PRKG2: variants seen among roughly 807,000 people sequenced by gnomAD.
PRKG2 encodes cGMP-dependent protein kinase 2.
A neutral mutation model predicts 97.2 loss-of-function variants in PRKG2; 33 were observed. The observed-to-expected ratio is 0.34, with a 90% CI of 0.26 to 0.45. The LOEUF (loss-of-function observed/expected upper bound fraction) is 0.45. Among genes scored for constraint, PRKG2 ranks in the 20% least tolerant of loss-of-function variants. The pLI, the probability that PRKG2 is intolerant of heterozygous loss-of-function variation, is 1.00. For missense variants in PRKG2, 638 were observed against 900.0 expected (o/e 0.71, Z 3.73); for synonymous variants, 330 against 321.8 (o/e 1.03, Z -0.27).
At chr4:81,090,564 A>G (rs922910264) in intron 18 of PRKG2, among the ~76,000 whole-genome samples, 2 of 152,208 alleles carry the variant, frequency 1.3e-5, no homozygotes, top group African/African-American at 2.4e-5. Context: ...TGAGAGAGTG[A>G]AATTATGCTG....
At chr4:81,123,717 T>C (rs1745290587) in intron 14 of PRKG2, among the ~76,000 whole-genome samples, 1 of 152,232 alleles carries the variant, frequency 6.6e-6, no homozygotes, top group African/African-American at 2.4e-5. Flanking sequence ...TTTTATTTTT[T>C]AAATGTATTT....
intron 9 of PRKG2, 38 bp downstream of exon 9, chr4:81,148,845 GT>G (rs759691368): frequency 1.6e-5 from 25 of 1,569,666 alleles, no homozygotes; most frequent in Non-Finnish European, 2.1e-5. Flanking sequence ...GTCTTCAAAG[GT>G]GGCAGTGGCC....
chr4:81,090,174 G>A (rs1235215258), intron 18 of PRKG2, among the ~76,000 whole-genome samples: 1 of 152,128 alleles, frequency 6.6e-6, no homozygotes, highest in Non-Finnish European at 1.5e-5. Flanking sequence ...CCTGGCCAAT[G>A]TGGTGAAACT....
chr4:81,110,497 C>T lies in PRKG2; in HGVS notation c.1891G>A (p.Val631Met), dbSNP rs372904531. 4 of 1,611,520 alleles carry T rather than the reference C, an allele frequency of 2.5e-6. No individual in the cohort carries two copies. The highest frequency in any genetic ancestry group is 2.7e-5 in the African/African-American group (2 of 75,014). ...VILNKGHDFS[V>M]DFWSLGILVY... ...AGAATTCCCAGTGACCAGAAATCCA[C>T]ACTGAAGTCATGTCCCTTGTTGAGA... The change falls in exon 15 of 19, where the codon GTG becomes ATG. Residue 631 changes from valine to methionine, a missense_variant. Coordinates refer to ENST00000264399, the MANE Select transcript of PRKG2 (RefSeq NM_006259.3).
intron 2 of PRKG2, among the ~76,000 whole-genome samples, chr4:81,177,836 G>A (rs1409625636): frequency 1.3e-5 from 2 of 151,890 alleles, no homozygotes; most frequent in Non-Finnish European, 2.9e-5. Context: ...AAGTATTGAA[G>A]ATCTATCAAC....
At position 81,122,816 on chromosome 4, in the gene PRKG2, G is replaced by A. The variant is rs1352801821; in HGVS notation, c.1777-12205C>T. The stretch of plus-strand genomic sequence containing the variant: ...AAGACATTGTGTCCAAAACTGGACT[G>A]CCCACAGTGTCCATCACCCAGATGG... On this transcript the variant is annotated intron_variant, in intron 14 of 18. Coordinates refer to ENST00000264399, the MANE Select transcript of PRKG2 (RefSeq NM_006259.3). 2.0e-5 allele frequency among the ~76,000 whole-genome samples: 3 copies of A among 152,208 alleles called. No homozygotes were observed. In the East Asian group the frequency reaches 5.8e-4, roughly 29 times the overall value.
intron 5 of PRKG2, among the ~76,000 whole-genome samples, chr4:81,169,393 T>G (rs1750263234): frequency 6.6e-6 from 1 of 152,100 alleles, no homozygotes; most frequent in Admixed American, 6.6e-5. Flanking sequence ...TTAGGTTTTT[T>G]GCACATTTTT....
At chr4:81,099,448 C>T (rs973792177) in intron 17 of PRKG2, among the ~76,000 whole-genome samples, 1 of 152,074 alleles carries the variant, frequency 6.6e-6, no homozygotes, top group Non-Finnish European at 1.5e-5. Flanking sequence ...ATAAACAGAA[C>T]CAAGGACAAA....
chr4:81,130,899 G>A (rs1746110776), intron 14 of PRKG2, among the ~76,000 whole-genome samples: 1 of 152,170 alleles, frequency 6.6e-6, no homozygotes, highest in South Asian at 2.1e-4. Flanking sequence ...TTTCAAACCA[G>A]TGAATCTTAG....
At chr4:81,136,898 C>T (rs1019974902) in intron 13 of PRKG2, among the ~76,000 whole-genome samples, 3 of 152,168 alleles carry the variant, frequency 2.0e-5, no homozygotes, top group Non-Finnish European at 4.4e-5. Flanking sequence ...AGCGTCTCCT[C>T]CTGACCCCCA....
intron 14 of PRKG2, among the ~76,000 whole-genome samples, chr4:81,115,795 G>A (rs1439423958): frequency 6.6e-6 from 1 of 152,120 alleles, no homozygotes; most frequent in Non-Finnish European, 1.5e-5. Context: ...GAGATAAAAA[G>A]CCATATTACC....
intron 6 of PRKG2, among the ~76,000 whole-genome samples, chr4:81,158,680 C>CT (rs956039072): frequency 1.2e-4 from 19 of 152,172 alleles, no homozygotes; most frequent in African/African-American, 4.3e-4. Flanking sequence ...AGGCATCACA[C>CT]TACCTGACTT....
At chr4:81,127,087 T>C (rs144608103) in intron 14 of PRKG2, among the ~76,000 whole-genome samples, 6,773 of 152,324 alleles carry the variant, frequency 0.044, 206 homozygotes, top group South Asian at 0.068. Flanking sequence ...TGCATATGAC[T>C]AGCCAGTTTT....
At chr4:81,165,900 T>C (rs1749941336) in intron 6 of PRKG2, among the ~76,000 whole-genome samples, 1 of 152,048 alleles carries the variant, frequency 6.6e-6, no homozygotes, top group Non-Finnish European at 1.5e-5. Flanking sequence ...CTATTAGTAT[T>C]ATATTAAAAA....
intron 1 of PRKG2, among the ~76,000 whole-genome samples, chr4:81,210,266 GAA>G (rs57051776): frequency 6.2e-5 from 9 of 145,238 alleles, no homozygotes; most frequent in South Asian, 2.2e-4. Flanking sequence ...CTTCTGCTCT[GAA>G]AAAAAAAAGA....
At chr4:81,116,333 G>A (rs1453023197) in intron 14 of PRKG2, among the ~76,000 whole-genome samples, 1 of 152,100 alleles carries the variant, frequency 6.6e-6, no homozygotes, top group African/African-American at 2.4e-5. Context: ...ATGCCCTCCA[G>A]CTCCAACCAT....
At chr4:81,185,191 T>C (rs1007450658) in intron 2 of PRKG2, among the ~76,000 whole-genome samples, 2 of 151,516 alleles carry the variant, frequency 1.3e-5, no homozygotes, top group Non-Finnish European at 2.9e-5. Context: ...TTCACCAAGG[T>C]TGAAATGGAG....
chr4:81,100,545 C>T (rs1268703530), intron 17 of PRKG2, among the ~76,000 whole-genome samples: 1 of 152,094 alleles, frequency 6.6e-6, no homozygotes, highest in Non-Finnish European at 1.5e-5. Flanking sequence ...CTTCCTTACA[C>T]CTTATACAAA....
chr4:81,157,270 T>C (rs1247375590), intron 6 of PRKG2, among the ~76,000 whole-genome samples: 1 of 152,000 alleles, frequency 6.6e-6, no homozygotes, highest in Non-Finnish European at 1.5e-5. Flanking sequence ...CCCACAGAAA[T>C]ACAAACTACC....
Sources: gnomAD v4.1 joint callset for allele counts (sites outside exome capture counted in the v4.1 genomes callset) on GRCh38, gnomAD v4.1.1 for gene constraint, MANE v1.5 for transcripts, NCBI Gene and HGNC (gene_info 2026-07-23, HGNC 2026-07-21) for gene names.